NEB: variants seen among roughly 807,000 people sequenced by gnomAD.
The protein encoded by NEB is nebulin.
In NEB, 512 loss-of-function variants were observed where a neutral mutation model predicts 952.2. The observed-to-expected ratio is 0.54, with a 90% CI of 0.50 to 0.58. The LOEUF (loss-of-function observed/expected upper bound fraction) is 0.58, where lower values mean the gene tolerates loss of function less well. Ranked by LOEUF, NEB falls within the 20% of genes least tolerant of loss-of-function variation. NEB has a pLI of 0.00. For synonymous variants in NEB, 2,900 were observed against 3,149.8 expected (o/e 0.92, Z 2.66); for missense variants, 8,428 against 9,231.1 (o/e 0.91, Z 3.56).
At chr2:151,631,374 C>A in intron 65 of NEB, 28 bp from the exon 66 acceptor site, 1 of 1,592,890 alleles carries the variant, frequency 6.3e-7, no homozygotes. Context: ...GTCAAAAACT[C>A]TTCATCAAGA....
chr2:151,507,120 A>C (rs1559349225), intron 162 of NEB, 107 bp from the exon 163 acceptor site: 1 of 708,784 alleles, frequency 1.4e-6, no homozygotes. Flanking sequence ...TTTAAAAAAA[A>C]GTCTATGCAC....
At chr2:151,718,133 G>A (rs950941510) in intron 9 of NEB, among the ~76,000 whole-genome samples, 39 of 152,130 alleles carry the variant, frequency 2.6e-4, no homozygotes, top group African/African-American at 9.2e-4. Flanking sequence ...GATTACAGGC[G>A]TGAGCCACCG....
At chr2:151,697,871 C>T (rs2099607803) in intron 13 of NEB, among the ~76,000 whole-genome samples, 1 of 152,124 alleles carries the variant, frequency 6.6e-6, no homozygotes, top group African/African-American at 2.4e-5. Flanking sequence ...TTGAGACAAG[C>T]CTAGCCAACA....
chr2:151,508,968 T>A (rs1423792094), intron 161 of NEB, among the ~76,000 whole-genome samples: 1 of 152,248 alleles, frequency 6.6e-6, no homozygotes, highest in East Asian at 1.9e-4. Context: ...TCCTTTCACT[T>A]TTCTCTCTAG....
In NEB at chr2:151,697,267, A is replaced by C. The variant is rs757517429; in HGVS notation, c.1366-15T>G. ...TTGTAGTTTTTCTATGAGGAGAAGA[A>C]ATTAGGCATAAGATGCAGCCATTGT... On this transcript the variant is annotated splice_polypyrimidine_tract_variant and intron_variant, in intron 15 of 181. Coordinates refer to ENST00000397345, the MANE Select transcript of NEB (RefSeq NM_001164508.2). The C allele has an allele frequency of 6.2e-7, 1 of 1,612,270 alleles. No homozygotes were observed. The highest frequency in any genetic ancestry group is 1.3e-5 in the African/African-American group (1 of 75,026).
At position 151,679,720 on chromosome 2, in the gene NEB, C is replaced by A. The variant is rs375628303; in HGVS notation, c.3255+1G>T. 30 of 1,343,354 alleles carry A rather than the reference C, an allele frequency of 2.2e-5. No homozygotes were observed. The highest frequency in any genetic ancestry group is 2.9e-5 in the Non-Finnish European group (29 of 1,006,066). 83.2% of individuals were successfully genotyped at this position (1,343,354 alleles called of 1,614,324 possible). On this transcript the variant is annotated splice_donor_variant, in intron 32 of 181. Transcript: ENST00000397345. LOFTEE classifies it high-confidence loss of function. ...CCATGTATGACCACAGCTGGACTTA[C>A]GTCACTCGCCGCCTGCCTGGCAGCT...
intron 181 of NEB, among the ~76,000 whole-genome samples, chr2:151,488,767 T>C (rs938209877): frequency 2.6e-5 from 4 of 152,218 alleles, no homozygotes; most frequent in African/African-American, 4.8e-5. Context: ...TTTATTATTT[T>C]ACTAAATAGA....
At chr2:151,646,344 GAT>G (rs2098957737) in intron 54 of NEB, 110 bp from the exon 55 acceptor site, 2 of 816,124 alleles carry the variant, frequency 2.5e-6, no homozygotes, top group Non-Finnish European at 4.0e-6. Flanking sequence ...ATACAGAATT[GAT>G]ATAATAAGCA....
chr2:151,617,228 G>T, intron 75 of NEB, 136 bp downstream of exon 75: 1 of 552,112 alleles, frequency 1.8e-6, no homozygotes, highest in Non-Finnish European at 3.1e-6. Context: ...ATTGAATCAA[G>T]TGAGAACTAT....
chr2:151,494,143 T>C lies in NEB; in HGVS notation c.24579+18A>G. The stretch of plus-strand genomic sequence containing the variant: ...TATTTTGCAAAATTAAAAGCACTTT[T>C]GTTTCTCAAGACAATACCGAGCTAA... On this transcript the variant is annotated intron_variant, in intron 174 of 181. Coordinates refer to ENST00000397345, the MANE Select transcript of NEB (RefSeq NM_001164508.2). 2 of 1,583,750 alleles carry C rather than the reference T, an allele frequency of 1.3e-6. No individual in the cohort carries two copies. Among genetic ancestry groups the C allele is most frequent in the Non-Finnish European group, 1.7e-6 (2 of 1,160,822 alleles).
At chr2:151,536,425 T>C (rs2093217127) in intron 141 of NEB, among the ~76,000 whole-genome samples, 1 of 152,240 alleles carries the variant, frequency 6.6e-6, no homozygotes, top group South Asian at 2.1e-4. Flanking sequence ...GAAAGTATTT[T>C]CATGTGCACT....
intron 141 of NEB, 26 bp from the exon 142 acceptor site, chr2:151,535,821 T>C: frequency 7.9e-7 from 1 of 1,264,028 alleles, no homozygotes; most frequent in Non-Finnish European, 1.1e-6. Flanking sequence ...CATGGTTACT[T>C]GACAGCAGGC....
At chr2:151,723,750 G>GTTT (rs11308757) in intron 8 of NEB, among the ~76,000 whole-genome samples, 31 of 51,364 alleles carry the variant, frequency 6.0e-4, no homozygotes, top group Non-Finnish European at 7.7e-4. Flanking sequence ...TGCCTTCTTT[G>GTTT]TTTTTTTTTT....
In NEB at chr2:151,621,033, A is replaced by G; in HGVS notation, c.10453-7T>C. The G allele has an allele frequency of 1.3e-6, 2 of 1,592,068 alleles. No homozygotes were observed. The highest frequency in any genetic ancestry group is 1.7e-6 in the Non-Finnish European group (2 of 1,165,492). ...TGGCCTGACGATAGAGGCTCTGAGGAAAGAAGGAGTAGCTTTTAAATATAG... is the reference window on the plus strand; with the variant it reads ...TGGCCTGACGATAGAGGCTCTGAGGGAAGAAGGAGTAGCTTTTAAATATAG... On this transcript the variant is annotated splice_polypyrimidine_tract_variant and splice_region_variant and intron_variant, in intron 71 of 181. Coordinates refer to ENST00000397345, the MANE Select transcript of NEB (RefSeq NM_001164508.2).
rs1316932271 is a variant in NEB at position 151,665,536 on chromosome 2, G to A, written c.5035C>T (p.Leu1679=). The part of the protein sequence containing the change: ...RNAMQIQSDN[L]YKSDFTNWMK... ...CAATTGGTGAAGTCAGATTTGTACAGATTCTTTACAATGAGAAAAAAAATT... is the reference window on the plus strand; with the variant it reads ...CAATTGGTGAAGTCAGATTTGTACAAATTCTTTACAATGAGAAAAAAAATT... Residue 1679 remains leucine (L), a synonymous_variant, in exon 42 of 182, where the codon CTG becomes TTG. Transcript: ENST00000397345. 1.9e-6 allele frequency: 3 copies of A among 1,581,242 alleles called. No individual in the cohort carries two copies. Among genetic ancestry groups the A allele is most frequent in the Non-Finnish European group, 2.6e-6 (3 of 1,161,914 alleles).
intron 143 of NEB, among the ~76,000 whole-genome samples, chr2:151,533,184 C>A (rs982426889): frequency 2.0e-5 from 3 of 152,168 alleles, no homozygotes; most frequent in African/African-American, 7.2e-5. Flanking sequence ...TAATGTTATA[C>A]CACTTTGGAA....
intron 150 of NEB, 88 bp downstream of exon 150, chr2:151,525,870 G>A (rs1375280671): frequency 1.0e-6 from 1 of 1,000,064 alleles, no homozygotes; most frequent in Admixed American, 1.7e-5. Context: ...GCTACATAAA[G>A]GAAGCAAAAG....
At chr2:151,630,498 T>C (rs1422308054) in intron 67 of NEB, among the ~76,000 whole-genome samples, 2 of 152,316 alleles carry the variant, frequency 1.3e-5, no homozygotes, top group African/African-American at 4.8e-5. Context: ...TCCCACTGAC[T>C]CACTGGAAAT....
intron 13 of NEB, among the ~76,000 whole-genome samples, chr2:151,700,343 G>T (rs1224248546): frequency 1.2e-5 from 1 of 86,224 alleles, no homozygotes; most frequent in East Asian, 2.6e-4. Flanking sequence ...ACTTGGCGAT[G>T]CGGGCTCTTT....
Sources: allele counts gnomAD v4.1 joint callset (sites outside exome capture counted in the v4.1 genomes callset), GRCh38; gene constraint gnomAD v4.1.1; transcripts MANE v1.5; gene names NCBI Gene and HGNC (gene_info 2026-07-23, HGNC 2026-07-21).